The following DNAH12 variants were observed in gnomAD, a reference collection of about 807,000 sequenced individuals.
DNAH12 encodes dynein axonemal heavy chain 12.
A neutral mutation model predicts 371.5 loss-of-function variants in DNAH12; 285 were observed. The ratio of observed to expected loss-of-function variants is 0.77; its 90% CI spans 0.70 to 0.85. The LOEUF is 0.85. Among genes scored for constraint, DNAH12 ranks in the 40% least tolerant of loss-of-function variants. The pLI is 0.00. For missense variants in DNAH12, 3,611 were observed against 3,689.4 expected (o/e 0.98, Z 0.55); for synonymous variants, 1,200 against 1,213.0 (o/e 0.99, Z 0.22).
chr3:57,302,552 TATATA>T (rs2061374720), intron 69 of DNAH12, among the ~76,000 whole-genome samples: 9 of 97,814 alleles, frequency 9.2e-5, no homozygotes, highest in South Asian at 3.9e-4. Flanking sequence ...TATATATATA[TATATA>T]TATATATGTA....
chr3:57,457,860 T>A lies in DNAH12; in HGVS notation c.3197A>T (p.Tyr1066Phe). 6.4e-7 allele frequency: 1 copy of A among 1,551,630 alleles called. No homozygotes were observed. The highest frequency in any genetic ancestry group is 8.7e-7 in the Non-Finnish European group (1 of 1,146,994). Residue 1066 changes from tyrosine (Y) to phenylalanine (F), a missense_variant, in exon 22 of 74, where the codon TAT (tyrosine) becomes TTT (phenylalanine). Physicochemically the swap from Tyr to Phe is conservative, Grantham distance 22. Transcript: ENST00000495027. ...FLPNLDIKAM[Y>F]SSEGERVELI... is the part of the protein sequence containing the mutation. ...CTCCACTCGCTCGCCCTCAGAGCTA[T>A]ACATGGCTTTAATGTCCAAATTGGG...
chr3:57,472,397 T>C (rs2066392114), intron 14 of DNAH12, 149 bp downstream of exon 14: 2 of 947,468 alleles, frequency 2.1e-6, no homozygotes, highest in Admixed American at 3.0e-5. Flanking sequence ...GTCTTAAGCC[T>C]AGAGGGCCAT....
At chr3:57,477,433 G>A (rs1470945714) in intron 13 of DNAH12, among the ~76,000 whole-genome samples, 1 of 152,160 alleles carries the variant, frequency 6.6e-6, no homozygotes, top group Admixed American at 6.5e-5. Flanking sequence ...CGGGAAGCTC[G>A]AACTGGGTGG....
At chr3:57,339,923 T>G (rs1412638390) in intron 60 of DNAH12, among the ~76,000 whole-genome samples, 3 of 151,910 alleles carry the variant, frequency 2.0e-5, no homozygotes, top group Non-Finnish European at 2.9e-5. Flanking sequence ...CAGAAAAAAT[T>G]AGCCAAGTGT....
In DNAH12 at chr3:57,334,604, T is replaced by C; in HGVS notation, c.9839A>G (p.His3280Arg). Residue 3280 changes from histidine (H) to arginine (R), a missense_variant, in exon 62 of 74, where the codon CAT (histidine) becomes CGT (arginine). Physicochemically the swap from His to Arg is conservative, Grantham distance 29. Transcript: ENST00000495027. ...CCATTCATATATATGTTCACAAAAA[T>C]GTTGCCTAATAGAAAAAAGCTTAAG... Reference protein sequence around the residue: ...EFPAFRGLRQHFCEHIYEWRE... With the variant: ...EFPAFRGLRQRFCEHIYEWRE... 1 of 1,534,604 alleles carries C rather than the reference T, an allele frequency of 6.5e-7. No individual in the cohort carries two copies. Among genetic ancestry groups the C allele is most frequent in the South Asian group, 1.3e-5 (1 of 79,548 alleles).
At chr3:57,528,037 A>AT (rs2068708818) in intron 2 of DNAH12, among the ~76,000 whole-genome samples, 1 of 150,710 alleles carries the variant, frequency 6.6e-6, no homozygotes, top group African/African-American at 2.4e-5. Flanking sequence ...TAATCTATTT[A>AT]TTTTTTTTGA....
At chr3:57,402,367 T>C (rs1553679193) in intron 43 of DNAH12, 1 of 1,302,912 alleles carries the variant, frequency 7.7e-7, no homozygotes. Context: ...CCTAGGCATA[T>C]AAGGACGAAG....
chr3:57,323,101 C>G lies in DNAH12; in HGVS notation c.10289G>C (p.Trp3430Ser), dbSNP rs2061844975. ...ACATATTTTTTCCAACATGGGCATC[C>G]AGGACACTGCAAGATGGCAATTCTG... ...CLQNCHLAVS[W>S]MPMLEKICED... The change falls in exon 64 of 74, where the codon TGG (tryptophan) becomes TCG (serine). Residue 3430 changes from tryptophan (W) to serine (S), a missense_variant. By Grantham distance (177) the Trp-to-Ser change is radical (BLOSUM62 -3). This residue lies in a region of DNAH12 where 2,266 missense variants were observed against 2,236.9 expected (regional missense o/e 1.01). Transcript: ENST00000495027. 36 of 1,552,386 alleles carry G rather than the reference C, an allele frequency of 2.3e-5. No homozygotes were observed. Among genetic ancestry groups the G allele is most frequent in the Non-Finnish European group, 3.1e-5 (36 of 1,147,154 alleles).
chr3:57,396,345 T>G (rs2063741297), intron 43 of DNAH12, among the ~76,000 whole-genome samples: 1 of 151,060 alleles, frequency 6.6e-6, no homozygotes, highest in Non-Finnish European at 1.5e-5. Context: ...AAATAAAATT[T>G]ACAATACAAT....
intron 12 of DNAH12, 73 bp downstream of exon 12, chr3:57,489,436 T>C: frequency 7.2e-7 from 1 of 1,388,742 alleles, no homozygotes. Context: ...CTTTTGTTTT[T>C]AAACAAGAGT....
At chr3:57,298,848 T>C (rs1336341692) in intron 70 of DNAH12, among the ~76,000 whole-genome samples, 1 of 152,232 alleles carries the variant, frequency 6.6e-6, no homozygotes, top group Admixed American at 6.5e-5. Context: ...TTGTCCCCTG[T>C]AAGCTCTTGG....
At chr3:57,313,329 C>G (rs2061618141) in intron 66 of DNAH12, among the ~76,000 whole-genome samples, 1 of 151,996 alleles carries the variant, frequency 6.6e-6, no homozygotes, top group Admixed American at 6.6e-5. Context: ...GACCCTGTCT[C>G]TACAAAATAC....
intron 1 of DNAH12, 33 bp from the exon 2 acceptor site, chr3:57,542,936 T>C: frequency 1.4e-6 from 2 of 1,454,612 alleles, no homozygotes; most frequent in South Asian, 3.2e-5. Context: ...GCCATTATTA[T>C]GTCAGCAAGC....
In DNAH12 at chr3:57,371,841, G is replaced by A. The variant is rs1054363818; in HGVS notation, c.8759+3530C>T. Reference sequence around the variant, plus strand: ...GTAGACTTCTCATCAGACTATGTAGGTCAGAAGCAATGTAGTGACATCTTG... The same window carrying A: ...GTAGACTTCTCATCAGACTATGTAGATCAGAAGCAATGTAGTGACATCTTG... On this transcript the variant is annotated intron_variant, in intron 55 of 73. Coordinates refer to ENST00000495027, the MANE Select transcript of DNAH12 (RefSeq NM_001366028.2). 6.7e-4 allele frequency among the ~76,000 whole-genome samples: 101 copies of A among 150,056 alleles called. 1 individual carries two copies. The highest frequency in any genetic ancestry group is 2.5e-3 in the African/African-American group (101 of 40,838).
chr3:57,405,388 G>A (rs1206353289), intron 41 of DNAH12, among the ~76,000 whole-genome samples: 1 of 152,116 alleles, frequency 6.6e-6, no homozygotes, highest in African/African-American at 2.4e-5. Context: ...CTCCCATTGA[G>A]TAGTTACTAA....
intron 32 of DNAH12, among the ~76,000 whole-genome samples, chr3:57,430,709 T>G (rs1053883975): frequency 6.6e-6 from 1 of 152,200 alleles, no homozygotes; most frequent in African/African-American, 2.4e-5. Context: ...TATTACTAAG[T>G]CTTTTAAATT....
At chr3:57,332,897 T>C (rs2062133097) in intron 62 of DNAH12, among the ~76,000 whole-genome samples, 1 of 152,210 alleles carries the variant, frequency 6.6e-6, no homozygotes, top group Non-Finnish European at 1.5e-5. Flanking sequence ...GGTGGCACTT[T>C]GGTAGAGCTA....
chr3:57,302,796 G>T (rs2061388688), intron 69 of DNAH12, among the ~76,000 whole-genome samples: 1 of 148,300 alleles, frequency 6.7e-6, no homozygotes, highest in African/African-American at 2.5e-5. Context: ...GGCTGGTCTC[G>T]AACTCCTGAC....
Position 57,314,597 on chromosome 3 carries a change from A to G in DNAH12, c.10559T>C (p.Phe3520Ser). 1 of 1,550,540 alleles carries G rather than the reference A, an allele frequency of 6.4e-7. No homozygotes were observed. The highest frequency in any genetic ancestry group is 8.7e-7 in the Non-Finnish European group (1 of 1,146,784). The stretch of plus-strand genomic sequence containing the variant: ...CTTTCTCTCTTGCACAAGGGCATGA[A>G]AAAAACAAACTCCAAACAGTAACTT... ...WEKLLFGVCF[F>S]HALVQERKKF... The change falls in exon 66 of 74, where the codon TTT (phenylalanine) becomes TCT (serine). Residue 3520 changes from phenylalanine to serine, a missense_variant. Physicochemically the swap from Phe to Ser is radical, Grantham distance 155 (BLOSUM62 -2). Coordinates refer to ENST00000495027, the MANE Select transcript of DNAH12 (RefSeq NM_001366028.2).
Sources: gnomAD v4.1 joint callset for allele counts (sites outside exome capture counted in the v4.1 genomes callset) on GRCh38, gnomAD v4.1.1 for gene constraint, gnomAD v4.1.1 regional missense constraint, MANE v1.5 for transcripts, NCBI Gene and HGNC (gene_info 2026-07-23, HGNC 2026-07-21) for gene names.